Variants in BCAS1 observed in about 807,000 individuals in gnomAD.
BCAS1 encodes the protein brain enriched myelin associated protein 1.
A neutral mutation model predicts 65.4 loss-of-function variants in BCAS1; 46 were observed. The observed-to-expected ratio is 0.70, with a 90% CI of 0.55 to 0.90. BCAS1 has a LOEUF of 0.90. Among genes scored for constraint, BCAS1 ranks in the 40% least tolerant of loss-of-function variants. The pLI is 0.00. For synonymous variants in BCAS1, 298 were observed against 293.5 expected (o/e 1.02, Z -0.16); for missense variants, 793 against 771.2 (o/e 1.03, Z -0.33).
intron 1 of BCAS1, among the ~76,000 whole-genome samples, chr20:54,065,122 A>ATCTC (rs1386175984): frequency 7.6e-6 from 1 of 131,902 alleles, no homozygotes; most frequent in Non-Finnish European, 1.6e-5. Flanking sequence ...TCATCTATCT[A>ATCTC]TCTATCTATC....
intron 3 of BCAS1, among the ~76,000 whole-genome samples, chr20:54,048,493 G>T (rs73132914): frequency 0.059 from 8,984 of 152,034 alleles, 360 homozygotes; most frequent in Middle Eastern, 0.12. Flanking sequence ...CTCCTTCCTC[G>T]CATAATACAA....
chr20:53,984,429 C>T (rs73140332), intron 8 of BCAS1, among the ~76,000 whole-genome samples: 4,886 of 152,266 alleles, frequency 0.032, 108 homozygotes, highest in Middle Eastern at 0.11. Context: ...CAAGGGGCCC[C>T]GCATCCAGCT....
intron 4 of BCAS1, among the ~76,000 whole-genome samples, chr20:53,999,523 C>A (rs189053339): frequency 6.6e-6 from 1 of 152,200 alleles, no homozygotes; most frequent in East Asian, 1.9e-4. Flanking sequence ...GGAGAAGTGC[C>A]CCTCTTCCAT....
chr20:53,974,687 C>T (rs542571322), intron 9 of BCAS1, among the ~76,000 whole-genome samples: 2 of 152,182 alleles, frequency 1.3e-5, no homozygotes, highest in Non-Finnish European at 2.9e-5. Flanking sequence ...CCAAAGACTG[C>T]GCACTTCTTT....
chr20:53,994,312 T>G (rs2090845165), intron 6 of BCAS1, among the ~76,000 whole-genome samples: 1 of 152,242 alleles, frequency 6.6e-6, no homozygotes, highest in Non-Finnish European at 1.5e-5. Flanking sequence ...GTAACGAGCC[T>G]TGTCCAGTGT....
intron 3 of BCAS1, among the ~76,000 whole-genome samples, chr20:54,053,232 T>C (rs1191152718): frequency 6.6e-6 from 1 of 152,200 alleles, no homozygotes; most frequent in Non-Finnish European, 1.5e-5. Flanking sequence ...TTTAATATAT[T>C]GTTACTTAAG....
At chr20:53,960,261 T>C (rs1424806833) in intron 10 of BCAS1, among the ~76,000 whole-genome samples, 1 of 152,130 alleles carries the variant, frequency 6.6e-6, no homozygotes, top group South Asian at 2.1e-4. Context: ...TTCCCGTTAG[T>C]TGTTTCAATT....
At chr20:53,949,975 A>G (rs542612479) in intron 12 of BCAS1, among the ~76,000 whole-genome samples, 1 of 152,310 alleles carries the variant, frequency 6.6e-6, no homozygotes, top group Admixed American at 6.5e-5. Flanking sequence ...CAGCTCTCCC[A>G]AGAAATATGA....
intron 1 of BCAS1, among the ~76,000 whole-genome samples, chr20:54,062,383 A>G (rs2092386552): frequency 1.3e-5 from 2 of 152,190 alleles, no homozygotes; most frequent in Non-Finnish European, 1.5e-5. Flanking sequence ...TATTATTTCA[A>G]TTTTGCTGGT....
At chr20:54,035,085 C>T (rs1010571843) in intron 3 of BCAS1, among the ~76,000 whole-genome samples, 2 of 151,256 alleles carry the variant, frequency 1.3e-5, no homozygotes, top group Non-Finnish European at 1.5e-5. Context: ...TAGCTGTACA[C>T]AGAAGATTAA....
chr20:53,966,999 G>C lies in BCAS1; in HGVS notation c.1392C>G (p.Asn464Lys). 6.2e-7 allele frequency: 1 copy of C among 1,613,022 alleles called. No individual in the cohort carries two copies. Among genetic ancestry groups the C allele is most frequent in the Non-Finnish European group, 8.5e-7 (1 of 1,179,518 alleles). Residue 464 changes from asparagine to lysine, a missense_variant, in exon 10 of 13, where the codon AAC becomes AAG. Physicochemically the swap from Asn to Lys is moderately conservative, Grantham distance 94. Transcript: ENST00000688948. ...VESALQTVDL[N>K]EGDAAPEPTE... ...TGGGTTCAGGTGCAGCATCTCCTTCGTTGAGGTCCACTGTTTGTAAGGCTG... is the reference window on the plus strand; with the variant it reads ...TGGGTTCAGGTGCAGCATCTCCTTCCTTGAGGTCCACTGTTTGTAAGGCTG...
chr20:54,042,436 A>G (rs1361503066), intron 3 of BCAS1, among the ~76,000 whole-genome samples: 1 of 152,248 alleles, frequency 6.6e-6, no homozygotes, highest in Non-Finnish European at 1.5e-5. Context: ...ACAATGAAAT[A>G]TTCCACAGGC....
Position 54,041,908 on chromosome 20 carries a change from CCAAAAAAAAA to C in BCAS1, c.143-12946_143-12937del, listed in dbSNP as rs1246421694. ...AGTTCAGAGTGAGACTCTGTCTCCC[CCAAAAAAAAA>C]AAAAAAAAAAAAAGAACAGCCATAT... On this transcript the variant is annotated intron_variant, in intron 3 of 12. Transcript: ENST00000688948. Among the ~76,000 whole-genome samples, 9 of 67,362 alleles carry C rather than the reference CCAAAAAAAAA, an allele frequency of 1.3e-4. No individual in the cohort carries two copies. The East Asian group carries it at 2.4e-3, about 18-fold the overall frequency. 44.2% of individuals were successfully genotyped at this position (67,362 alleles called of 152,430 possible).
intron 4 of BCAS1, among the ~76,000 whole-genome samples, chr20:54,014,676 T>G (rs775693573): frequency 7.9e-5 from 12 of 152,174 alleles, no homozygotes; most frequent in Non-Finnish European, 1.6e-4. Flanking sequence ...TGTTGAATGG[T>G]ACAGAAACTC....
intron 3 of BCAS1, among the ~76,000 whole-genome samples, chr20:54,055,341 A>AC (rs2092281135): frequency 6.6e-6 from 1 of 152,216 alleles, no homozygotes; most frequent in Non-Finnish European, 1.5e-5. Flanking sequence ...AATTGGACTT[A>AC]CAGATCCATA....
chr20:53,985,420 G>A lies in BCAS1; in HGVS notation c.1142C>T (p.Ala381Val). The A allele has an allele frequency of 6.2e-7, 1 of 1,614,002 alleles. No individual in the cohort carries two copies. Among genetic ancestry groups the A allele is most frequent in the Admixed American group, 1.7e-5 (1 of 60,014 alleles). Reference protein sequence around the residue: ...ANFTSQETQGAGKNSKGCNPS... With the variant: ...ANFTSQETQGVGKNSKGCNPS... ...GTTGCATCCTTTGGAATTCTTGCCA[G>A]CCCCTTGGGTCTCCTGGGATGTAAA... Residue 381 changes from alanine (A) to valine (V), a missense_variant, in exon 8 of 13, where the codon GCT becomes GTT. Coordinates refer to ENST00000688948, the MANE Select transcript of BCAS1 (RefSeq NM_001366298.2).
chr20:53,945,883 C>A (rs566668417), intron 12 of BCAS1, among the ~76,000 whole-genome samples: 3 of 152,194 alleles, frequency 2.0e-5, no homozygotes, highest in African/African-American at 7.2e-5. Flanking sequence ...ATGATCCCCC[C>A]ACGTCAGCCT....
intron 3 of BCAS1, among the ~76,000 whole-genome samples, chr20:54,041,391 G>A (rs1356356320): frequency 6.6e-6 from 1 of 151,926 alleles, no homozygotes; most frequent in Non-Finnish European, 1.5e-5. Context: ...ACCAAGGGGT[G>A]GGGGTAGGAA....
intron 1 of BCAS1, among the ~76,000 whole-genome samples, chr20:54,065,858 T>C (rs2092434179): frequency 6.6e-6 from 1 of 152,108 alleles, no homozygotes; most frequent in Non-Finnish European, 1.5e-5. Flanking sequence ...ATTAGAAGGG[T>C]GTGGCCCATG....
Sources: gnomAD v4.1 joint callset for allele counts (sites outside exome capture counted in the v4.1 genomes callset) on GRCh38, gnomAD v4.1.1 for gene constraint, MANE v1.5 for transcripts, NCBI Gene and HGNC (gene_info 2026-07-23, HGNC 2026-07-21) for gene names.